The following DLG2 variants were observed in gnomAD, a reference collection of about 807,000 sequenced individuals.
DLG2 encodes the protein discs large MAGUK scaffold protein 2.
In DLG2, 45 loss-of-function variants were observed where a neutral mutation model predicts 132.5. The ratio of observed to expected loss-of-function variants is 0.34; its 90% CI spans 0.27 to 0.44. The LOEUF (loss-of-function observed/expected upper bound fraction) is 0.44. DLG2 is among the 20% of genes least tolerant of loss of function. The pLI, the probability that DLG2 is intolerant of heterozygous loss-of-function variation, is 1.00. For missense variants in DLG2, 1,045 were observed against 1,196.9 expected (o/e 0.87, Z 1.87); for synonymous variants, 424 against 419.6 (o/e 1.01, Z -0.13).
intron 13 of DLG2, among the ~76,000 whole-genome samples, chr11:83,963,670 T>C (rs7131673): frequency 0.15 from 22,698 of 151,970 alleles, 2,235 homozygotes; most frequent in African/African-American, 0.27. Context: ...TCTCCATTGT[T>C]GTTATGTATT....
At chr11:84,228,098 C>A (rs890131324) in intron 8 of DLG2, among the ~76,000 whole-genome samples, 24 of 152,138 alleles carry the variant, frequency 1.6e-4, no homozygotes, top group African/African-American at 5.3e-4. Flanking sequence ...TCTGACTCAT[C>A]TGGTTGCATC....
At chr11:85,144,660 C>A (rs1394183985) in intron 5 of DLG2, among the ~76,000 whole-genome samples, 3 of 151,874 alleles carry the variant, frequency 2.0e-5, no homozygotes, top group African/African-American at 7.2e-5. Context: ...AAACTAATGA[C>A]AACCTAACTG....
intron 6 of DLG2, among the ~76,000 whole-genome samples, chr11:84,668,054 A>C (rs146879418): frequency 4.9e-4 from 75 of 152,308 alleles, no homozygotes; most frequent in African/African-American, 1.8e-3. Context: ...CACCTGCTAT[A>C]TGAGAGTATA....
At chr11:85,053,444 T>C (rs1436817590) in intron 6 of DLG2, among the ~76,000 whole-genome samples, 2 of 151,926 alleles carry the variant, frequency 1.3e-5, no homozygotes, top group Non-Finnish European at 2.9e-5. Flanking sequence ...TAGCATATAG[T>C]ATAAACTTTA....
chr11:83,918,848 A>G (rs1257371596), intron 15 of DLG2, among the ~76,000 whole-genome samples: 1 of 152,148 alleles, frequency 6.6e-6, no homozygotes, highest in Non-Finnish European at 1.5e-5. Context: ...GTCAAAAAAA[A>G]AAAGTCTTTG....
intron 3 of DLG2, among the ~76,000 whole-genome samples, chr11:85,290,343 C>T (rs1829223): frequency 6.6e-6 from 1 of 151,924 alleles, no homozygotes; most frequent in Non-Finnish European, 1.5e-5. Flanking sequence ...CTCTAATGTA[C>T]ACAAAAATTT....
chr11:83,502,176 A>G (rs1414069246), intron 21 of DLG2, among the ~76,000 whole-genome samples: 7 of 152,212 alleles, frequency 4.6e-5, no homozygotes, highest in African/African-American at 1.7e-4. Flanking sequence ...AAGTGGCTAC[A>G]AATAGTGTTC....
chr11:84,963,228 A>C (rs978699597), intron 6 of DLG2, among the ~76,000 whole-genome samples: 5 of 152,230 alleles, frequency 3.3e-5, no homozygotes, highest in Non-Finnish European at 7.3e-5. Flanking sequence ...GGATGTGTCT[A>C]TGGTAACATA....
At chr11:85,023,115 T>A (rs1004780213) in intron 6 of DLG2, among the ~76,000 whole-genome samples, 1 of 151,992 alleles carries the variant, frequency 6.6e-6, no homozygotes, top group Non-Finnish European at 1.5e-5. Flanking sequence ...CTCTCACTTA[T>A]CAGTAAACCT....
At chr11:85,593,164 A>G (rs2079483670) in intron 3 of DLG2, among the ~76,000 whole-genome samples, 1 of 152,178 alleles carries the variant, frequency 6.6e-6, no homozygotes, top group Non-Finnish European at 1.5e-5. Context: ...CAGAATGATA[A>G]TGGCTCATTA....
intron 6 of DLG2, among the ~76,000 whole-genome samples, chr11:85,056,003 CTTTTT>C (rs969277411): frequency 6.6e-6 from 1 of 151,994 alleles, no homozygotes; most frequent in Non-Finnish European, 1.5e-5. Flanking sequence ...TTCTTTTCCT[CTTTTT>C]TTAAGTAAAA....
chr11:83,824,956 G>T (rs1205890802), intron 17 of DLG2, among the ~76,000 whole-genome samples: 3 of 151,688 alleles, frequency 2.0e-5, no homozygotes, highest in Admixed American at 6.6e-5. Context: ...CAAGACTTAA[G>T]GAATATAACT....
chr11:83,792,351 A>C (rs900435733), intron 17 of DLG2, among the ~76,000 whole-genome samples: 3 of 152,236 alleles, frequency 2.0e-5, no homozygotes, highest in African/African-American at 7.2e-5. Context: ...AAACAAAAAC[A>C]GGCCATAATT....
chr11:84,974,716 G>C (rs2054619771), intron 6 of DLG2, among the ~76,000 whole-genome samples: 1 of 152,146 alleles, frequency 6.6e-6, no homozygotes, highest in African/African-American at 2.4e-5. Flanking sequence ...GTGAGAACTT[G>C]TTAGAAATAC....
chr11:85,039,888 T>C (rs2061709770), intron 6 of DLG2, among the ~76,000 whole-genome samples: 1 of 151,944 alleles, frequency 6.6e-6, no homozygotes, highest in Non-Finnish European at 1.5e-5. Flanking sequence ...TTTCCATAGA[T>C]ACTGTCTAAT....
intron 6 of DLG2, among the ~76,000 whole-genome samples, chr11:85,033,152 A>G (rs558249114): frequency 6.6e-6 from 1 of 152,230 alleles, no homozygotes; most frequent in African/African-American, 2.4e-5. Context: ...ACTGTGAATA[A>G]GATTATAAAA....
chr11:83,577,893 T>A (rs10898137), intron 19 of DLG2, among the ~76,000 whole-genome samples: 2 of 119,444 alleles, frequency 1.7e-5, no homozygotes, highest in Admixed American at 9.8e-5. Flanking sequence ...AATATATAAA[T>A]GGAAGTTTAT....
At chr11:84,336,166 G>T (rs1229234959) in intron 7 of DLG2, among the ~76,000 whole-genome samples, 2 of 152,168 alleles carry the variant, frequency 1.3e-5, no homozygotes, top group Non-Finnish European at 2.9e-5. Flanking sequence ...CGCTTAGTTT[G>T]CCTAATGGGT....
At chr11:85,177,020 G>C (rs2079310533) in intron 4 of DLG2, among the ~76,000 whole-genome samples, 1 of 152,082 alleles carries the variant, frequency 6.6e-6, no homozygotes, top group African/African-American at 2.4e-5. Flanking sequence ...GTATAAAATT[G>C]TTCAACCATT....
Sources: allele counts gnomAD v4.1 joint callset (sites outside exome capture counted in the v4.1 genomes callset), GRCh38; gene constraint gnomAD v4.1.1; transcripts MANE v1.5; gene names NCBI Gene and HGNC (gene_info 2026-07-23, HGNC 2026-07-21).